PHGDH: variants seen among roughly 807,000 people sequenced by gnomAD.
PHGDH encodes phosphoglycerate dehydrogenase.
In PHGDH, 50 loss-of-function variants were observed where a neutral mutation model predicts 52.6. The observed-to-expected ratio is 0.95, with a 90% CI of 0.76 to 1.20. The LOEUF (loss-of-function observed/expected upper bound fraction) is 1.20. Ranked by LOEUF, PHGDH falls within the 50% of genes most tolerant of loss-of-function variation. The pLI is 0.00. For missense variants in PHGDH, 630 were observed against 684.6 expected, an observed-to-expected ratio of 0.92 and a Z score of 0.89; for synonymous variants, 271 against 280.5, an observed-to-expected ratio of 0.97 and a Z score of 0.34.
Position 119,734,623 on chromosome 1 carries a change from C to A in PHGDH, c.511-11C>A. The A allele has an allele frequency of 6.2e-7, 1 of 1,613,770 alleles. No homozygotes were observed. The highest frequency in any genetic ancestry group is 8.5e-7 in the Non-Finnish European group (1 of 1,179,642). On this transcript the variant is annotated splice_polypyrimidine_tract_variant and intron_variant, in intron 5 of 11. Coordinates refer to ENST00000641023, the MANE Select transcript of PHGDH (RefSeq NM_006623.4). The stretch of plus-strand genomic sequence containing the variant: ...AATGACACTTCCTCCCTCTCTCTTG[C>A]TTCCAACCAGACTATAGGGTATGAC...
In PHGDH at chr1:119,742,225, C is replaced by T. The variant is rs1329574293; in HGVS notation, c.1209+328C>T. ...AGGCCATGTTTGACTCTGCCTAACT[C>T]CCCTCAGGGCTCCTCATGCCGTAGC... On this transcript the variant is annotated intron_variant, in intron 10 of 11. Transcript: ENST00000641023. 4 of 412,064 alleles carry T rather than the reference C, an allele frequency of 9.7e-6. No homozygotes were observed. The East Asian group carries it at 2.2e-4, about 23-fold the overall frequency. The allele number at this position is 412,064 out of a possible 1,614,324, so 25.5% of individuals were successfully genotyped here.
At position 119,735,455 on chromosome 1, in the gene PHGDH, G is replaced by A; in HGVS notation, c.792+12G>A. 6.2e-7 allele frequency: 1 copy of A among 1,610,168 alleles called. No homozygotes were observed. Among genetic ancestry groups the A allele is most frequent in the African/African-American group, 1.3e-5 (1 of 75,064 alleles). On this transcript the variant is annotated intron_variant, in intron 7 of 11. Transcript: ENST00000641023. ...ACGTGTTTACGGAAGTAAGTGCCTG[G>A]CAGCCTCAGCGTCAGGAGGACGGGA...
At chr1:119,730,681 TG>T (rs1468450595) in intron 5 of PHGDH, among the ~76,000 whole-genome samples, 3 of 152,188 alleles carry the variant, frequency 2.0e-5, no homozygotes, top group Non-Finnish European at 4.4e-5. Flanking sequence ...CTCTCAATGA[TG>T]GGTATTTAGA....
chr1:119,714,296 C>T (rs1650826089), intron 1 of PHGDH: 1 of 152,210 alleles, frequency 6.6e-6, no homozygotes, highest in South Asian at 2.1e-4. Flanking sequence ...TTGGTTCCCA[C>T]TGCCTTGTAT....
intron 5 of PHGDH, among the ~76,000 whole-genome samples, chr1:119,733,351 T>A (rs1651786575): frequency 1.3e-5 from 2 of 151,860 alleles, no homozygotes; most frequent in East Asian, 1.9e-4. Flanking sequence ...TTTATTTTTT[T>A]TTTTTTTTCT....
At chr1:119,715,607 G>A (rs954760479) in intron 1 of PHGDH, among the ~76,000 whole-genome samples, 1 of 152,168 alleles carries the variant, frequency 6.6e-6, no homozygotes, top group African/African-American at 2.4e-5. Flanking sequence ...CTTGGGAAAG[G>A]AAGCATGTGT....
chr1:119,738,806 G>A (rs1296170302), intron 8 of PHGDH, among the ~76,000 whole-genome samples: 1 of 151,930 alleles, frequency 6.6e-6, no homozygotes, highest in South Asian at 2.1e-4. Flanking sequence ...ACCTTGCAGA[G>A]AGATGGGGAG....
At chr1:119,729,313 G>A (rs911794933) in intron 5 of PHGDH, among the ~76,000 whole-genome samples, 8 of 152,190 alleles carry the variant, frequency 5.3e-5, no homozygotes, top group Admixed American at 5.2e-4. Flanking sequence ...CAAGGGTCAA[G>A]GTTTAGTCCA....
rs587696887 is a variant in PHGDH, at chr1:119,742,976, G to T, written c.1379G>T (p.Arg460Leu). 28 of 1,614,150 alleles carry T rather than the reference G, an allele frequency of 1.7e-5. No homozygotes were observed. The highest frequency in any genetic ancestry group is 1.2e-4 in the Admixed American group (7 of 60,034). The change falls in exon 11 of 12, where the codon CGC becomes CTC. Residue 460 changes from arginine (R) to leucine (L), a missense_variant. Physicochemically the swap from Arg to Leu is moderately radical, Grantham distance 102. Coordinates refer to ENST00000641023, the MANE Select transcript of PHGDH (RefSeq NM_006623.4). ...GTCTTCAGGCCAGAAGTGCCTCTCC[G>T]CAGGGACCTGCCCCTGCTCCTATTC... ...GAVFRPEVPL[R>L]RDLPLLLFRT...
intron 1 of PHGDH, chr1:119,719,651 A>G (rs1200057044): frequency 2.6e-5 from 4 of 152,252 alleles, no homozygotes; most frequent in African/African-American, 9.6e-5. Context: ...CCTAAGCATC[A>G]TTCCTCTTCT....
chr1:119,743,487 C>G (rs1652304198), intron 11 of PHGDH, among the ~76,000 whole-genome samples: 1 of 152,200 alleles, frequency 6.6e-6, no homozygotes, highest in Non-Finnish European at 1.5e-5. Context: ...CTTGGACCTG[C>G]CCCAGTCAGC....
At chr1:119,739,679 A>G (rs933829376) in intron 8 of PHGDH, 1 of 152,278 alleles carries the variant, frequency 6.6e-6, no homozygotes, top group Admixed American at 6.5e-5. Context: ...AAGTGGCCAG[A>G]TGCCTAACTC....
intron 8 of PHGDH, 137 bp from the exon 9 acceptor site, chr1:119,740,249 T>C: frequency 5.1e-6 from 4 of 778,860 alleles, no homozygotes; most frequent in Non-Finnish European, 8.8e-6. Flanking sequence ...CTGATGGAAG[T>C]TGTCACCCAC....
intron 1 of PHGDH, among the ~76,000 whole-genome samples, chr1:119,716,088 CTG>C (rs1265275814): frequency 6.6e-6 from 1 of 152,014 alleles, no homozygotes; most frequent in Non-Finnish European, 1.5e-5. Context: ...TTCAGGCTGT[CTG>C]TGAATATGTG....
At chr1:119,712,470 T>C in intron 1 of PHGDH, 1 of 383,644 alleles carries the variant, frequency 2.6e-6, no homozygotes, top group East Asian at 6.1e-5. Flanking sequence ...CAGCGCGGGA[T>C]GCCAGCGCGG....
chr1:119,715,780 G>C (rs1650904396), intron 1 of PHGDH: 1 of 152,312 alleles, frequency 6.6e-6, no homozygotes, highest in Non-Finnish European at 1.5e-5. Flanking sequence ...TGCAGACACA[G>C]AAGCCACACG....
chr1:119,724,491 G>C (rs1047435036), intron 3 of PHGDH: 1 of 337,720 alleles, frequency 3.0e-6, no homozygotes, highest in East Asian at 7.9e-5. Flanking sequence ...GAGGCAGTGG[G>C]GGGAAAGGAG....
intron 1 of PHGDH, chr1:119,720,455 G>A (rs1268878955): frequency 6.6e-6 from 1 of 152,434 alleles, no homozygotes; most frequent in Non-Finnish European, 1.5e-5. Context: ...CCTGTATCAG[G>A]GACAGGGGCT....
At chr1:119,734,791 T>C in intron 6 of PHGDH, 25 bp downstream of exon 6, 1 of 1,613,410 alleles carries the variant, frequency 6.2e-7, no homozygotes. Context: ...ACATTGTGGA[T>C]TGGTCACAGA....
Sources: allele counts gnomAD v4.1 joint callset (sites outside exome capture counted in the v4.1 genomes callset), GRCh38; gene constraint gnomAD v4.1.1; transcripts MANE v1.5; gene names NCBI Gene and HGNC (gene_info 2026-07-23, HGNC 2026-07-21).